ARID4B: variants seen among roughly 807,000 people sequenced by gnomAD.
ARID4B encodes the protein AT-rich interactive domain-containing protein 4B.
In ARID4B, 26 loss-of-function variants were observed where a neutral mutation model predicts 147.5. That is an observed-to-expected ratio of 0.18 (90% confidence interval 0.13 to 0.24). The LOEUF (loss-of-function observed/expected upper bound fraction) is 0.24. Ranked by LOEUF, ARID4B falls within the 10% of genes least tolerant of loss-of-function variation. ARID4B has a pLI of 1.00. For missense variants in ARID4B, 1,179 were observed against 1,511.5 expected (o/e 0.78, Z 3.65); for synonymous variants, 512 against 507.9 (o/e 1.01, Z -0.11).
At chr1:235,296,799 A>G (rs1672753498) in intron 2 of ARID4B, among the ~76,000 whole-genome samples, 1 of 7,736 alleles carries the variant, frequency 1.3e-4, no homozygotes, top group Non-Finnish European at 2.5e-4. Context: ...AGGAGGAAGG[A>G]AGGAAGGAAG....
At chr1:235,290,017 T>C (rs1490884178) in intron 2 of ARID4B, among the ~76,000 whole-genome samples, 1 of 148,268 alleles carries the variant, frequency 6.7e-6, no homozygotes, top group Non-Finnish European at 1.5e-5. Context: ...CTGGACGATA[T>C]AGTGAGACTC....
At chr1:235,220,667 CTAATT>C (rs1167847169) in intron 14 of ARID4B, 122 bp from the exon 15 acceptor site, 2 of 800,874 alleles carry the variant, frequency 2.5e-6, no homozygotes, top group East Asian at 6.3e-5. Context: ...TATTAACATT[CTAATT>C]TATTCTAGTT....
At chr1:235,180,715 G>C (rs536445235) in intron 20 of ARID4B, 37 of 152,174 alleles carry the variant, frequency 2.4e-4, no homozygotes, top group African/African-American at 8.4e-4. Context: ...ATCTCTTTAA[G>C]CTTTGCTGAA....
rs578028097 is a variant in ARID4B, at chr1:235,228,887, C to T, written c.897+344G>A. 3.3e-5 allele frequency: 6 copies of T among 181,118 alleles called. No individual in the cohort carries two copies. The South Asian group carries it at 3.4e-4, about 10-fold the overall frequency. 11.2% of individuals were successfully genotyped at this position (181,118 alleles called of 1,614,324 possible). A position where few individuals can be genotyped will look rare whatever the true frequency, so the allele number is the denominator to read the frequency against. On this transcript the variant is annotated intron_variant, in intron 11 of 23. Transcript: ENST00000264183. ...GTCTCGATCTCCTGACCTCGTGATC[C>T]GCCTGCCTTGGCCTCCCAAAGTGCT...
intron 2 of ARID4B, among the ~76,000 whole-genome samples, chr1:235,269,995 C>CA (rs1283026701): frequency 6.6e-6 from 1 of 151,832 alleles, no homozygotes; most frequent in Non-Finnish European, 1.5e-5. Flanking sequence ...TTTTAAAACT[C>CA]AACGCCAGCC....
intron 2 of ARID4B, among the ~76,000 whole-genome samples, chr1:235,312,842 G>A (rs776702236): frequency 3.3e-5 from 5 of 152,134 alleles, no homozygotes; most frequent in South Asian, 2.1e-4. Flanking sequence ...GCATGGTGGC[G>A]CATGCCTGTA....
chr1:235,268,678 G>A (rs891176360), intron 2 of ARID4B, among the ~76,000 whole-genome samples: 1 of 152,030 alleles, frequency 6.6e-6, no homozygotes, highest in East Asian at 1.9e-4. Context: ...ACAGGCGCTC[G>A]CCACCATGTC....
rs1410320365 is a variant in ARID4B, at chr1:235,167,865, A to C, written c.*660T>G. The C allele has an allele frequency of 4.1e-5, 8 of 196,788 alleles. No homozygotes were observed. Among genetic ancestry groups the C allele is most frequent in the Non-Finnish European group, 6.3e-5 (6 of 94,636 alleles). 12.2% of individuals were successfully genotyped at this position (196,788 alleles called of 1,614,324 possible). On this transcript the variant is annotated 3_prime_UTR_variant, in exon 24 of 24. Transcript: ENST00000264183. ...GATTTATAGAAAAATGGCAAAGTACAGTAGTTCCATTCCAATTTGAAGGGC... is the reference window on the plus strand; with the variant it reads ...GATTTATAGAAAAATGGCAAAGTACCGTAGTTCCATTCCAATTTGAAGGGC...
intron 8 of ARID4B, among the ~76,000 whole-genome samples, chr1:235,236,082 C>T (rs1483281844): frequency 6.6e-6 from 1 of 151,788 alleles, no homozygotes; most frequent in Admixed American, 6.6e-5. Context: ...ACAGGCCACC[C>T]AGACCCAGTT....
At chr1:235,326,323 A>G (rs1276226674) in intron 2 of ARID4B, among the ~76,000 whole-genome samples, 2 of 152,176 alleles carry the variant, frequency 1.3e-5, no homozygotes, top group East Asian at 3.8e-4. Flanking sequence ...CACACATCAT[A>G]ATGCAACAGA....
intron 6 of ARID4B, among the ~76,000 whole-genome samples, chr1:235,251,889 C>T (rs1294627945): frequency 2.6e-5 from 4 of 152,110 alleles, no homozygotes; most frequent in Non-Finnish European, 5.9e-5. Context: ...GAACCCTCTG[C>T]TCTTAGTAAC....
At chr1:235,213,655 C>G in intron 17 of ARID4B, 114 bp downstream of exon 17, 1 of 1,179,926 alleles carries the variant, frequency 8.5e-7, no homozygotes, top group South Asian at 1.6e-5. Context: ...TTATAAGGTA[C>G]TATGACCTCA....
intron 2 of ARID4B, among the ~76,000 whole-genome samples, chr1:235,308,610 G>A (rs1006851814): frequency 1.2e-4 from 18 of 152,210 alleles, no homozygotes; most frequent in Admixed American, 7.8e-4. Flanking sequence ...GAGTGCCCGC[G>A]ATTGCAGGTG....
intron 16 of ARID4B, among the ~76,000 whole-genome samples, chr1:235,219,110 C>T (rs1197640653): frequency 1.3e-5 from 2 of 152,096 alleles, no homozygotes; most frequent in East Asian, 1.9e-4. Context: ...GTGATCTGCC[C>T]GCCCCGGTCT....
At chr1:235,266,785 A>C (rs554001317) in intron 2 of ARID4B, among the ~76,000 whole-genome samples, 1 of 121,050 alleles carries the variant, frequency 8.3e-6, no homozygotes, top group African/African-American at 2.6e-5. Flanking sequence ...ACAATAGTTA[A>C]ATCAAATCTT....
rs1469353078 is a variant in ARID4B at position 235,167,194 on chromosome 1, G to A, written c.*1331C>T. On this transcript the variant is annotated 3_prime_UTR_variant, in exon 24 of 24. Transcript: ENST00000264183. Reference sequence around the variant, plus strand: ...GACACGTTAGCATCTACAACAAAACGCATTGAAATTCCCACGTCGTATTGC... The same window carrying A: ...GACACGTTAGCATCTACAACAAAACACATTGAAATTCCCACGTCGTATTGC... 6 of 206,208 alleles carry A rather than the reference G, an allele frequency of 2.9e-5. No individual in the cohort carries two copies. Among genetic ancestry groups the A allele is most frequent in the South Asian group, 1.9e-4 (1 of 5,260 alleles). The allele number at this position is 206,208 out of a possible 1,614,324, so 12.8% of individuals were successfully genotyped here. A position where few individuals can be genotyped will look rare whatever the true frequency, so the allele number is the denominator to read the frequency against.
chr1:235,200,797 C>T (rs1413433744), intron 17 of ARID4B, among the ~76,000 whole-genome samples: 1 of 152,052 alleles, frequency 6.6e-6, no homozygotes, highest in African/African-American at 2.4e-5. Context: ...ATAGTCAATG[C>T]AGATAGAAAA....
chr1:235,320,479 T>G (rs1674745087), intron 2 of ARID4B, among the ~76,000 whole-genome samples: 1 of 152,170 alleles, frequency 6.6e-6, no homozygotes, highest in South Asian at 2.1e-4. Context: ...CTTGACAGCC[T>G]TCTGACTGAT....
At chr1:235,295,073 A>G (rs1672596799) in intron 2 of ARID4B, among the ~76,000 whole-genome samples, 1 of 152,004 alleles carries the variant, frequency 6.6e-6, no homozygotes, top group Admixed American at 6.6e-5. Flanking sequence ...TTACATCCCT[A>G]CTGGAATACA....
Sources: allele counts gnomAD v4.1 joint callset (sites outside exome capture counted in the v4.1 genomes callset), GRCh38; gene constraint gnomAD v4.1.1; transcripts MANE v1.5; gene names NCBI Gene and HGNC (gene_info 2026-07-23, HGNC 2026-07-21).